The following CFAP20DC variants were observed in gnomAD, a reference collection of about 807,000 sequenced individuals.
CFAP20DC encodes the protein protein CFAP20DC.
In CFAP20DC, 84 loss-of-function variants were observed where a neutral mutation model predicts 101.7. The observed-to-expected ratio is 0.83, with a 90% confidence interval of 0.69 to 0.99. The LOEUF (loss-of-function observed/expected upper bound fraction) is 0.99, where lower values mean the gene tolerates loss of function less well. Ranked by LOEUF, CFAP20DC falls within the 50% of genes least tolerant of loss-of-function variation. The pLI is 0.00. For synonymous variants in CFAP20DC, 359 were observed against 351.2 expected (o/e 1.02, Z -0.25); for missense variants, 1,007 against 970.3 (o/e 1.04, Z -0.50).
intron 13 of CFAP20DC, among the ~76,000 whole-genome samples, chr3:58,842,439 A>C (rs2077208264): frequency 6.6e-6 from 1 of 152,130 alleles, no homozygotes; most frequent in South Asian, 2.1e-4. Context: ...TCCCACCCGA[A>C]TATTGCGCTT....
rs1456397088 is a variant in CFAP20DC, at chr3:58,900,746, C to T, written c.550+12962G>A. ...AACCAGATGGTGGGTTTCTTGATGTCTTTGCTCCCAATATGAGGTAGTGTA... is the reference window on the plus strand; with the variant it reads ...AACCAGATGGTGGGTTTCTTGATGTTTTTGCTCCCAATATGAGGTAGTGTA... On this transcript the variant is annotated intron_variant, in intron 6 of 16. Coordinates refer to ENST00000482387, the MANE Select transcript of CFAP20DC (RefSeq NM_001394063.1). 2.0e-5 allele frequency among the ~76,000 whole-genome samples: 3 copies of T among 152,192 alleles called. No homozygotes were observed. The East Asian group carries it at 5.8e-4, about 29-fold the overall frequency.
In CFAP20DC at chr3:58,870,249, T is replaced by A; in HGVS notation, c.776A>T (p.His259Leu). 3 of 1,614,032 alleles carry A rather than the reference T, an allele frequency of 1.9e-6. No homozygotes were observed. The highest frequency in any genetic ancestry group is 2.5e-6 in the Non-Finnish European group (3 of 1,179,878). ...TRNSKNQDVCHIAFGSKVLGP... is the reference protein window; with the variant it reads ...TRNSKNQDVCLIAFGSKVLGP... ...AAGAACTTTGGATCCAAATGCGATA[T>A]GACAAACATCTTGATTTTTACTGTT... The change falls in exon 8 of 17, where the codon CAT (histidine) becomes CTT (leucine). Residue 259 changes from histidine (H) to leucine (L), a missense_variant. Coordinates refer to ENST00000482387, the MANE Select transcript of CFAP20DC (RefSeq NM_001394063.1).
intron 15 of CFAP20DC, among the ~76,000 whole-genome samples, chr3:58,765,490 C>CAAAAAAAAAAAAAAAAAAAAAA (rs1337049385): frequency 1.8e-4 from 15 of 81,816 alleles, no homozygotes; most frequent in Non-Finnish European, 3.5e-4. Context: ...AAAAAAAAAC[C>CAAAAAAAAAAAAAAAAAAAAAA]AAAAAAAAAA....
rs1034045002 is a variant in CFAP20DC, at chr3:58,869,218, A to G, written c.1015+110T>C. 2.5e-6 allele frequency: 2 copies of G among 807,542 alleles called. No individual in the cohort carries two copies. The highest frequency in any genetic ancestry group is 6.1e-5 in the Admixed American group (2 of 32,828). The allele number at this position is 807,542 out of a possible 1,614,324, so 50.0% of individuals were successfully genotyped here. A position where few individuals can be genotyped will look rare whatever the true frequency, so the allele number is the denominator to read the frequency against. ...CCACCCTTTTCATTATTAAATGACA[A>G]TTCTCTAGACTTAAGATCTAGACTT... On this transcript the variant is annotated intron_variant, in intron 9 of 16. Coordinates refer to ENST00000482387, the MANE Select transcript of CFAP20DC (RefSeq NM_001394063.1). The surrounding 1 kb of genome is among the most constrained non-coding windows in gnomAD (Gnocchi z 4.3).
chr3:58,786,748 AAAAACCGC>A (rs1207120215), intron 15 of CFAP20DC, among the ~76,000 whole-genome samples: 1 of 140,214 alleles, frequency 7.1e-6, no homozygotes, highest in Non-Finnish European at 1.5e-5. Context: ...TCCTTTAAGT[AAAAACCGC>A]AAAAGTTCCC....
rs2093671904 is a variant in CFAP20DC, at chr3:59,015,580, G to A, written c.278+23977C>T. 1.3e-5 allele frequency among the ~76,000 whole-genome samples: 2 copies of A among 151,866 alleles called. No individual in the cohort carries two copies. Among genetic ancestry groups the A allele is most frequent in the Non-Finnish European group, 2.9e-5 (2 of 67,924 alleles). ...GAAGGAGGAGGGTTGGAGGGTGGAGGAGGAAGAAGGGCTATAGATCCCTAG... is the reference window on the plus strand; with the variant it reads ...GAAGGAGGAGGGTTGGAGGGTGGAGAAGGAAGAAGGGCTATAGATCCCTAG... On this transcript the variant is annotated intron_variant, in intron 4 of 16. Coordinates refer to ENST00000482387, the MANE Select transcript of CFAP20DC (RefSeq NM_001394063.1). This position sits in a 1 kb window ranked among gnomAD's most constrained non-coding sequence, Gnocchi z 5.4.
At chr3:59,035,302 C>T (rs150763513) in intron 4 of CFAP20DC, among the ~76,000 whole-genome samples, 1 of 152,138 alleles carries the variant, frequency 6.6e-6, no homozygotes, top group African/African-American at 2.4e-5. Context: ...CAAGAGCAAA[C>T]AAATTCAAAA....
At chr3:58,730,018 C>CAAAAAAAAA (rs769033730) in intron 3 of CFAP20DC, among the ~76,000 whole-genome samples, 1 of 53,504 alleles carries the variant, frequency 1.9e-5, no homozygotes, top group African/African-American at 6.1e-5. Flanking sequence ...AACCTGTCTC[C>CAAAAAAAAA]AAAAAAAAAA....
downstream of CFAP20DC, among the ~76,000 whole-genome samples, chr3:58,740,831 C>G (rs2067864828): frequency 1.3e-5 from 2 of 152,130 alleles, no homozygotes; most frequent in Admixed American, 1.3e-4. The surrounding 1 kb of genome is among the most constrained non-coding windows in gnomAD (Gnocchi z 4.6). Flanking sequence ...CAAGGCCTTC[C>G]AAGCCCTATT....
intron 6 of CFAP20DC, among the ~76,000 whole-genome samples, chr3:58,903,942 T>C (rs2083374768): frequency 6.6e-6 from 1 of 152,198 alleles, no homozygotes; most frequent in Non-Finnish European, 1.5e-5. Context: ...GTGTGAATCC[T>C]TCAACTTTGA....
chr3:58,928,847 G>A lies in CFAP20DC; in HGVS notation c.393+8801C>T, dbSNP rs1056643396. Among the ~76,000 whole-genome samples the A allele has an allele frequency of 3.3e-5, 5 of 152,116 alleles. No individual in the cohort carries two copies. The East Asian group carries it at 9.6e-4, about 29-fold the overall frequency. ...ATAACATGAGCTGAAGTCACCTAGG[G>A]TAGTCACTAATATGATTTCTTCATA... On this transcript the variant is annotated intron_variant, in intron 5 of 16. Coordinates refer to ENST00000482387, the MANE Select transcript of CFAP20DC (RefSeq NM_001394063.1).
chr3:58,907,178 A>C (rs1385034539), intron 6 of CFAP20DC, among the ~76,000 whole-genome samples: 3 of 151,914 alleles, frequency 2.0e-5, no homozygotes, highest in Admixed American at 1.3e-4. Context: ...GAATAACTGA[A>C]GTTTTTCTTG....
At chr3:58,739,862 A>G (rs2067842288), downstream of CFAP20DC, among the ~76,000 whole-genome samples, 1 of 152,096 alleles carries the variant, frequency 6.6e-6, no homozygotes, top group African/African-American at 2.4e-5. Flanking sequence ...TTGTTTTTCA[A>G]CTCTTCTGTA....
chr3:58,842,707 G>A (rs1033150527), intron 13 of CFAP20DC, among the ~76,000 whole-genome samples: 18 of 152,228 alleles, frequency 1.2e-4, no homozygotes, highest in Admixed American at 2.6e-4. Flanking sequence ...CACCTCTGGG[G>A]GCAGGGCACA....
In CFAP20DC at chr3:58,882,472, T is replaced by A. The variant is rs904820707; in HGVS notation, c.715+2073A>T. Among the ~76,000 whole-genome samples the A allele has an allele frequency of 1.3e-5, 2 of 152,180 alleles. No homozygotes were observed. Among genetic ancestry groups the A allele is most frequent in the African/African-American group, 2.4e-5 (1 of 41,458 alleles). On this transcript the variant is annotated intron_variant, in intron 7 of 16. Transcript: ENST00000482387. This position sits in a 1 kb window ranked among gnomAD's most constrained non-coding sequence, Gnocchi z 4.2. ...AGCTAGAGAATAAAAGCATTTACAA[T>A]GGCAAACAATTATCTGATATGCTTT...
intron 5 of CFAP20DC, among the ~76,000 whole-genome samples, chr3:58,931,654 A>AGGCAAATAGGGTCT (rs1553728483): frequency 6.6e-6 from 1 of 152,170 alleles, no homozygotes; most frequent in Non-Finnish European, 1.5e-5. Context: ...GCGGATACCC[A>AGGCAAATAGGGTCT]GGCAAATAGG....
chr3:58,791,974 A>G (rs2072896317), intron 15 of CFAP20DC, among the ~76,000 whole-genome samples: 1 of 152,178 alleles, frequency 6.6e-6, no homozygotes, highest in Admixed American at 6.5e-5. Flanking sequence ...GTGCAATACA[A>G]CCATGTACTT....
chr3:58,930,365 A>G (rs2086475359), intron 5 of CFAP20DC, among the ~76,000 whole-genome samples: 1 of 152,188 alleles, frequency 6.6e-6, no homozygotes, highest in South Asian at 2.1e-4. Context: ...AAAGCACAGA[A>G]CTGACTGTGT....
At chr3:59,004,621 G>A (rs192131823) in intron 4 of CFAP20DC, among the ~76,000 whole-genome samples, 2 of 152,248 alleles carry the variant, frequency 1.3e-5, no homozygotes, top group Admixed American at 6.5e-5. Context: ...ATTAGAAGTC[G>A]TCATTAAAAA....
Sources: gnomAD v4.1 joint callset for allele counts (sites outside exome capture counted in the v4.1 genomes callset) on GRCh38, gnomAD v4.1.1 for gene constraint, Gnocchi (gnomAD v3.1) non-coding constraint, MANE v1.5 for transcripts, NCBI Gene and HGNC (gene_info 2026-07-23, HGNC 2026-07-21) for gene names.